Variants in PCDHGA8 observed in about 807,000 individuals in gnomAD.
PCDHGA8 encodes the protein protocadherin gamma-A8.
In PCDHGA8, 45 loss-of-function variants were observed where a neutral mutation model predicts 59.2. The ratio of observed to expected loss-of-function variants is 0.76; its 90% confidence interval spans 0.60 to 0.98. The LOEUF (loss-of-function observed/expected upper bound fraction) is 0.98. Ranked by LOEUF, PCDHGA8 falls within the 50% of genes least tolerant of loss-of-function variation. The pLI, the probability that PCDHGA8 is intolerant of heterozygous loss-of-function variation, is 0.00. For missense variants in PCDHGA8, 1,257 were observed against 1,196.2 expected (o/e 1.05, Z -0.75); for synonymous variants, 531 against 519.0 (o/e 1.02, Z -0.32).
intron 1 of PCDHGA8, chr5:141,441,111 G>A (rs1457975305): frequency 1.3e-5 from 2 of 152,194 alleles, no homozygotes; most frequent in Non-Finnish European, 1.5e-5. Flanking sequence ...TCATTGTCCA[G>A]TGTACAGTTG....
rs138641753 is a variant in PCDHGA8, at chr5:141,430,814, C to T, written c.2424+35577C>T. On this transcript the variant is annotated intron_variant, in intron 1 of 3. Transcript: ENST00000398604. ...CAAAGGGCTTGTCCTGCTGGGAATC[C>T]TCCTGGGGACTCTGTGGGAGACCGG... is the stretch of plus-strand genomic sequence containing the variant. 97 of 1,534,514 alleles carry T rather than the reference C, an allele frequency of 6.3e-5. No homozygotes were observed. The African/African-American group carries it at 1.1e-3, about 17-fold the overall frequency.
Position 141,424,520 on chromosome 5 carries a change from A to T in PCDHGA8, c.2424+29283A>T, listed in dbSNP as rs527395935. ...GTATGGAAGGTTTTTTAATGTAGTA[A>T]ATCCATATATAGAAATAACTTGATT... is the stretch of plus-strand genomic sequence containing the variant. On this transcript the variant is annotated intron_variant, in intron 1 of 3. Coordinates refer to ENST00000398604, the MANE Select transcript of PCDHGA8 (RefSeq NM_032088.2). 15 of 152,286 alleles carry T rather than the reference A, an allele frequency of 9.8e-5. No individual in the cohort carries two copies. In the East Asian group the frequency reaches 2.9e-3, roughly 29 times the overall value. The allele number at this position is 152,286 out of a possible 1,614,324, so 9.4% of individuals were successfully genotyped here. A position where few individuals can be genotyped will look rare whatever the true frequency, so the allele number is the denominator to read the frequency against.
intron 1 of PCDHGA8, among the ~76,000 whole-genome samples, chr5:141,444,359 C>T (rs942218966): frequency 7.9e-5 from 12 of 151,582 alleles, no homozygotes; most frequent in East Asian, 7.7e-4. Context: ...TTAGTAGAGA[C>T]GGGGTTTCTC....
In PCDHGA8 at chr5:141,404,779, C is replaced by T. The variant is rs779433248; in HGVS notation, c.2424+9542C>T. 8.1e-6 allele frequency: 13 copies of T among 1,613,628 alleles called. No individual in the cohort carries two copies. In the Admixed American group the frequency reaches 1.5e-4, roughly 19 times the overall value. ...ATGCTTGGCTCTCCTACCGCCTATT[C>T]AAGGCCAGTGAGCCAGGGCTCTTCT... On this transcript the variant is annotated intron_variant, in intron 1 of 3. Coordinates refer to ENST00000398604, the MANE Select transcript of PCDHGA8 (RefSeq NM_032088.2).
At chr5:141,403,836 A>G (rs370798833) in intron 1 of PCDHGA8, 8 of 1,613,670 alleles carry the variant, frequency 5.0e-6, no homozygotes, top group African/African-American at 1.3e-5. Context: ...TTCCAGCTTA[A>G]TGAAAATACT....
chr5:141,404,928 C>A lies in PCDHGA8; in HGVS notation c.2424+9691C>A, dbSNP rs145718404. The stretch of plus-strand genomic sequence containing the variant: ...CAGCCCCCTCTCTCGGCCACTGTCA[C>A]GCTCACAGTAGCCATAGCTGACAGC... On this transcript the variant is annotated intron_variant, in intron 1 of 3. Coordinates refer to ENST00000398604, the MANE Select transcript of PCDHGA8 (RefSeq NM_032088.2). The A allele has an allele frequency of 1.9e-6, 3 of 1,613,866 alleles. No individual in the cohort carries two copies. In the South Asian group the frequency reaches 3.3e-5, roughly 18 times the overall value.
rs770828917 is a variant in PCDHGA8 at position 141,431,306 on chromosome 5, C to G, written c.2424+36069C>G. ...GAACACTCACTTCTCCCTCATCGTG[C>G]AAAATGGAGCCGACGGTAGTAAGTA... On this transcript the variant is annotated intron_variant, in intron 1 of 3. Transcript: ENST00000398604. The surrounding 1 kb of genome is among the most constrained non-coding windows in gnomAD (Gnocchi z 4.8). 6.2e-7 allele frequency: 1 copy of G among 1,614,124 alleles called. No homozygotes were observed. The highest frequency in any genetic ancestry group is 2.2e-5 in the East Asian group (1 of 44,878).
intron 1 of PCDHGA8, among the ~76,000 whole-genome samples, chr5:141,457,029 C>G (rs2098904194): frequency 6.6e-6 from 1 of 152,170 alleles, no homozygotes; most frequent in Non-Finnish European, 1.5e-5. Flanking sequence ...TCCTAGTAGA[C>G]TCAGTGATAG....
Position 141,427,790 on chromosome 5 carries a change from C to T in PCDHGA8, c.2424+32553C>T, listed in dbSNP as rs1212280689. ...TGGAGCTGCGGGCACTGTCGTCCTACGTGTCCGTGAGCGCACAGAGCGGGG... is the reference window on the plus strand; with the variant it reads ...TGGAGCTGCGGGCACTGTCGTCCTATGTGTCCGTGAGCGCACAGAGCGGGG... On this transcript the variant is annotated intron_variant, in intron 1 of 3. Transcript: ENST00000398604. 2.0e-6 allele frequency: 3 copies of T among 1,482,108 alleles called. No homozygotes were observed. The Admixed American group carries it at 5.0e-5, about 25-fold the overall frequency. 91.8% of individuals were successfully genotyped at this position (1,482,108 alleles called of 1,614,324 possible).
chr5:141,436,501 G>A (rs1382579407), intron 1 of PCDHGA8, among the ~76,000 whole-genome samples: 1 of 152,118 alleles, frequency 6.6e-6, no homozygotes, highest in Admixed American at 6.5e-5. Context: ...TTGCAATTAG[G>A]TAAATTGTTA....
rs138616951 is a variant in PCDHGA8, at chr5:141,490,312, C to T, written c.2425-4495C>T. On this transcript the variant is annotated intron_variant, in intron 1 of 3. Transcript: ENST00000398604. The surrounding 1 kb of genome is among the most constrained non-coding windows in gnomAD (Gnocchi z 5.4). ...GGTGCTATTGGCCTCTTTGGCCAAC[C>T]CTGTCCTAGAGAGCACACCAGTGGG... 67 of 1,614,050 alleles carry T rather than the reference C, an allele frequency of 4.2e-5. No individual in the cohort carries two copies. The highest frequency in any genetic ancestry group is 5.3e-5 in the Non-Finnish European group (63 of 1,180,008).
chr5:141,424,408 T>G (rs942542788), intron 1 of PCDHGA8: 1 of 152,224 alleles, frequency 6.6e-6, no homozygotes, highest in Non-Finnish European at 1.5e-5. Flanking sequence ...TATGGTGAAG[T>G]TACATTGACT....
At chr5:141,428,002 T>G in intron 1 of PCDHGA8, 1 of 1,601,328 alleles carries the variant, frequency 6.2e-7, no homozygotes, top group Non-Finnish European at 8.5e-7. Context: ...TCCGCACTCT[T>G]CGATATAGTG....
At chr5:141,404,443 A>G in intron 1 of PCDHGA8, 1 of 1,613,468 alleles carries the variant, frequency 6.2e-7, no homozygotes, top group East Asian at 2.2e-5. Flanking sequence ...ATACCATCCA[A>G]GGGTCTCCTC....
intron 1 of PCDHGA8, among the ~76,000 whole-genome samples, chr5:141,467,320 T>C (rs1593065881): frequency 6.6e-6 from 1 of 152,322 alleles, no homozygotes; most frequent in African/African-American, 2.4e-5. Flanking sequence ...CCCACAGTGC[T>C]GGGATTAGAG....
chr5:141,420,225 C>G, intron 1 of PCDHGA8: 1 of 1,603,470 alleles, frequency 6.2e-7, no homozygotes. Flanking sequence ...ATGCTACTGG[C>G]TAGCATTTTA....
At chr5:141,418,778 T>A (rs1256260275) in intron 1 of PCDHGA8, 1 of 1,613,626 alleles carries the variant, frequency 6.2e-7, no homozygotes, top group East Asian at 2.2e-5. Flanking sequence ...TCAGCAGCCT[T>A]TGGATTTTGA....
Position 141,485,730 on chromosome 5 carries a change from G to A in PCDHGA8, c.2425-9077G>A. On this transcript the variant is annotated intron_variant, in intron 1 of 3. Coordinates refer to ENST00000398604, the MANE Select transcript of PCDHGA8 (RefSeq NM_032088.2). This position sits in a 1 kb window ranked among gnomAD's most constrained non-coding sequence, Gnocchi z 5.7. ...TTTGCACTGGATGTGAAGAAGCGCA[G>A]CGACGGCAGCCTGGTCCCAGAGCTG... is the stretch of plus-strand genomic sequence containing the variant. 1 of 1,614,200 alleles carries A rather than the reference G, an allele frequency of 6.2e-7. No individual in the cohort carries two copies. Among genetic ancestry groups the A allele is most frequent in the Non-Finnish European group, 8.5e-7 (1 of 1,180,024 alleles).
chr5:141,415,102 A>G, intron 1 of PCDHGA8: 2 of 1,613,550 alleles, frequency 1.2e-6, no homozygotes, highest in Non-Finnish European at 8.5e-7. Flanking sequence ...AGACGCGCTC[A>G]AGCAAAGCCT....
Sources: gnomAD v4.1 joint callset for allele counts (sites outside exome capture counted in the v4.1 genomes callset) on GRCh38, gnomAD v4.1.1 for gene constraint, Gnocchi (gnomAD v3.1) non-coding constraint, MANE v1.5 for transcripts, NCBI Gene and HGNC (gene_info 2026-07-23, HGNC 2026-07-21) for gene names.